The following TOP1MT variants were observed in gnomAD, a reference collection of about 807,000 sequenced individuals.
TOP1MT encodes DNA topoisomerase I, mitochondrial.
A neutral mutation model predicts 73.9 loss-of-function variants in TOP1MT; 80 were observed. The ratio of observed to expected loss-of-function variants is 1.08; its 90% CI spans 0.90 to 1.30. The LOEUF is 1.30. Ranked by LOEUF, TOP1MT falls within the 50% of genes most tolerant of loss-of-function variation. The probability of loss-of-function intolerance (pLI) is 0.00; values close to 1 mark genes in which losing one functional copy is unlikely to be tolerated. For missense variants in TOP1MT, 815 were observed against 808.0 expected (o/e 1.01, Z -0.10); for synonymous variants, 338 against 326.4 (o/e 1.04, Z -0.38).
At chr8:143,328,653 T>C (rs1217963631) in intron 3 of TOP1MT, among the ~76,000 whole-genome samples, 1 of 152,252 alleles carries the variant, frequency 6.6e-6, no homozygotes, top group African/African-American at 2.4e-5. Context: ...CACGTGGGAA[T>C]GTTCATGGCA....
chr8:143,317,965 C>G lies in TOP1MT; in HGVS notation c.1215+53G>C, dbSNP rs773026419. ...CTGGGCCAGACTCAGCGCCCACGCC[C>G]TCTCACTGGGTCCTGCCGCCGCCCA... On this transcript the variant is annotated intron_variant, in intron 9 of 13. Transcript: ENST00000329245. 1.9e-6 allele frequency: 3 copies of G among 1,604,014 alleles called. No individual in the cohort carries two copies. In the South Asian group the frequency reaches 3.3e-5, roughly 18 times the overall value.
rs759081057 is a variant in TOP1MT, at chr8:143,326,364, G to A, written c.361-20C>T. The A allele has an allele frequency of 6.3e-5, 101 of 1,613,534 alleles. No individual in the cohort carries two copies. The highest frequency in any genetic ancestry group is 1.3e-4 in the East Asian group (6 of 44,880). On this transcript the variant is annotated intron_variant, in intron 3 of 13. Coordinates refer to ENST00000329245, the MANE Select transcript of TOP1MT (RefSeq NM_052963.3). ...CATTTCCTGCAAAAACCACAGACACGCGCTCTCACCATGTCTGAAGGACAG... is the reference window on the plus strand; with the variant it reads ...CATTTCCTGCAAAAACCACAGACACACGCTCTCACCATGTCTGAAGGACAG...
chr8:143,321,550 AC>A (rs1816365317), intron 7 of TOP1MT, among the ~76,000 whole-genome samples, 164 bp from the exon 8 acceptor site: 2 of 111,946 alleles, frequency 1.8e-5, no homozygotes, highest in Admixed American at 9.1e-5. Flanking sequence ...CACGCCACAC[AC>A]GCACGCCACA....
At chr8:143,331,154 A>G in intron 2 of TOP1MT, 70 bp downstream of exon 2, 2 of 1,251,810 alleles carry the variant, frequency 1.6e-6, no homozygotes, top group Non-Finnish European at 2.3e-6. Flanking sequence ...AGCGAGCCAG[A>G]TGCCCACTGG....
chr8:143,348,655 C>T (rs1586784877), upstream of TOP1MT, among the ~76,000 whole-genome samples: 1 of 152,154 alleles, frequency 6.6e-6, no homozygotes, highest in African/African-American at 2.4e-5. The surrounding 1 kb of genome is among the most constrained non-coding windows in gnomAD (Gnocchi z 4.6). Flanking sequence ...CCCCATGCGC[C>T]GCTGAAAAGC....
At chr8:143,321,563 A>ACGCACGCCACACG (rs1255769991) in intron 7 of TOP1MT, among the ~76,000 whole-genome samples, 177 bp from the exon 8 acceptor site, 1 of 99,458 alleles carries the variant, frequency 1.0e-5, no homozygotes, top group African/African-American at 3.3e-5. Context: ...CACGCCACAC[A>ACGCACGCCACACG]CACGCACGCC....
chr8:143,346,540 G>A (rs1207426911), upstream of TOP1MT, among the ~76,000 whole-genome samples: 5 of 152,298 alleles, frequency 3.3e-5, no homozygotes, highest in East Asian at 1.9e-4. Flanking sequence ...CCAGCTACTC[G>A]GGAGGCTGAC....
rs559906570 is a variant in TOP1MT at position 143,309,366 on chromosome 8, C to T, written c.*75G>A. Reference sequence around the variant, plus strand: ...AAGCACTTGCACACATTTTATTGTACAAAATTCCCCAGTACTGCTTTAATA... The same window carrying T: ...AAGCACTTGCACACATTTTATTGTATAAAATTCCCCAGTACTGCTTTAATA... On this transcript the variant is annotated 3_prime_UTR_variant, in exon 14 of 14. Transcript: ENST00000329245. 10 of 1,501,764 alleles carry T rather than the reference C, an allele frequency of 6.7e-6. No individual in the cohort carries two copies. In the East Asian group the frequency reaches 1.4e-4, roughly 21 times the overall value. The allele number at this position is 1,501,764 out of a possible 1,614,324, so 93.0% of individuals were successfully genotyped here. A position where few individuals can be genotyped will look rare whatever the true frequency, so the allele number is the denominator to read the frequency against.
chr8:143,331,887 C>T lies in TOP1MT; in HGVS notation c.123-548G>A, dbSNP rs116248526. 6.1e-3 allele frequency: 940 copies of T among 153,836 alleles called. 11 individuals are homozygous for T. The highest frequency in any genetic ancestry group is 0.021 in the African/African-American group (852 of 40,760). The allele number at this position is 153,836 out of a possible 1,614,324, so 9.5% of individuals were successfully genotyped here. On this transcript the variant is annotated intron_variant, in intron 1 of 13. Coordinates refer to ENST00000329245, the MANE Select transcript of TOP1MT (RefSeq NM_052963.3). ...GGGTGGAAGGGTGGAAGAGGCAGGG[C>T]GGGGTGGAGGAGGCGGGGCAGGGAG...
intron 10 of TOP1MT, 116 bp from the exon 11 acceptor site, chr8:143,316,242 C>T: frequency 2.0e-6 from 3 of 1,509,594 alleles, no homozygotes; most frequent in Non-Finnish European, 2.7e-6. Flanking sequence ...CACAGGCACC[C>T]ACTGGGATGG....
upstream of TOP1MT, among the ~76,000 whole-genome samples, chr8:143,335,087 G>A (rs1320018207): frequency 1.3e-5 from 2 of 152,204 alleles, no homozygotes; most frequent in Non-Finnish European, 2.9e-5. Flanking sequence ...GCCCCTTCAC[G>A]CTGGGCGGGG....
upstream of TOP1MT, chr8:143,358,764 A>T (rs1586790207): frequency 1.3e-5 from 2 of 152,110 alleles, no homozygotes; most frequent in Non-Finnish European, 2.9e-5. Context: ...ACACTGCTGC[A>T]CCTGCGGCTG....
Position 143,325,527 on chromosome 8 carries a change from T to C in TOP1MT, c.490A>G (p.Lys164Glu), listed in dbSNP as rs775299797. 7.5e-6 allele frequency: 12 copies of C among 1,607,274 alleles called. No individual in the cohort carries two copies. In the East Asian group the frequency reaches 2.7e-4, roughly 36 times the overall value. The change falls in exon 5 of 14, where the codon AAA (lysine) becomes GAA (glutamate). Residue 164 changes from lysine (K) to glutamate (E), a missense_variant. Lys to Glu is a moderately conservative substitution (Grantham distance 56, BLOSUM62 1). Around this residue, in one of 3 missense-constraint regions of TOP1MT, gnomAD observed 751 missense variants for 725.4 expected, o/e 1.04. Transcript: ENST00000329245. ...TGCTGAAGTTTTTCTGCCTCTTCTT[T>C]TAGCTTCTGAGTTAATAAAACAGTC... ...VLSREEKQKL[K>E]EEAEKLQQEF... is the part of the protein sequence containing the mutation.
intron 11 of TOP1MT, 76 bp from the exon 12 acceptor site, chr8:143,315,897 C>G (rs570863404): frequency 8.7e-5 from 139 of 1,605,762 alleles, no homozygotes; most frequent in Admixed American, 3.2e-4. Flanking sequence ...CTTCCACACC[C>G]TACGTGCCCA....
intron 10 of TOP1MT, 76 bp from the exon 11 acceptor site, chr8:143,316,202 C>T (rs371327526): frequency 1.6e-5 from 26 of 1,604,764 alleles, no homozygotes; most frequent in East Asian, 8.9e-5. Context: ...CCGGCCTTAA[C>T]GCGCCACACA....
chr8:143,317,876 C>T (rs775631105), intron 9 of TOP1MT, 39 bp from the exon 10 acceptor site: 31 of 1,606,378 alleles, frequency 1.9e-5, no homozygotes, highest in South Asian at 6.6e-5. Context: ...CGTGGTTTTG[C>T]GGGGCCGTCC....
At chr8:143,321,966 ATGCTCACCACACG>A in intron 7 of TOP1MT, among the ~76,000 whole-genome samples, 1 of 79,352 alleles carries the variant, frequency 1.3e-5, no homozygotes, top group Non-Finnish European at 2.4e-5. Context: ...CGCCACACAC[ATGCTCACCACACG>A]CACGCCACAC....
intron 2 of TOP1MT, among the ~76,000 whole-genome samples, chr8:143,329,679 G>C (rs750132309): frequency 6.6e-6 from 1 of 151,782 alleles, no homozygotes; most frequent in Non-Finnish European, 1.5e-5. Context: ...ATCTGGGAGC[G>C]GGTCGTGAGA....
chr8:143,328,886 G>A (rs900061228), intron 3 of TOP1MT, among the ~76,000 whole-genome samples: 1 of 152,184 alleles, frequency 6.6e-6, no homozygotes, highest in Non-Finnish European at 1.5e-5. Context: ...GGCCATGGGC[G>A]AAGGGCAGTC....
Sources: allele counts gnomAD v4.1 joint callset (sites outside exome capture counted in the v4.1 genomes callset), GRCh38; gene constraint gnomAD v4.1.1; regional missense constraint gnomAD v4.1.1; non-coding constraint Gnocchi (gnomAD v3.1); transcripts MANE v1.5; gene names NCBI Gene and HGNC (gene_info 2026-07-23, HGNC 2026-07-21).